Variants in ERAP1 observed in about 807,000 individuals in gnomAD.
The protein encoded by ERAP1 is adipocyte-derived leucine aminopeptidase.
Under a neutral mutation model 103.7 loss-of-function variants are expected in ERAP1, and 86 were observed. The ratio of observed to expected loss-of-function variants is 0.83; its 90% CI spans 0.70 to 0.99. The LOEUF (loss-of-function observed/expected upper bound fraction) is 0.99. Among genes scored for constraint, ERAP1 ranks in the 50% least tolerant of loss-of-function variants. ERAP1 has a pLI of 0.00. For synonymous variants in ERAP1, 398 were observed against 402.4 expected (o/e 0.99, Z 0.13); for missense variants, 1,009 against 1,128.4 (o/e 0.89, Z 1.52).
intron 13 of ERAP1, chr5:96,784,808 T>A (rs751419128): frequency 6.6e-6 from 1 of 152,544 alleles, no homozygotes; most frequent in Non-Finnish European, 1.5e-5. Context: ...TGCATATCCT[T>A]AGAAACCCTT....
At chr5:96,835,253 G>T in the ERAP1 span, among the ~76,000 whole-genome samples, 1 of 152,242 alleles carries the variant, frequency 6.6e-6, no homozygotes, top group Non-Finnish European at 1.5e-5. Flanking sequence ...GACCAAAGCT[G>T]CTTTAGAACT....
upstream of ERAP1, among the ~76,000 whole-genome samples, chr5:96,811,591 A>G (rs989709303): frequency 7.2e-5 from 11 of 152,214 alleles, no homozygotes; most frequent in African/African-American, 2.7e-4. Context: ...CTTCCATTCA[A>G]GAGGACCAAT....
At chr5:96,881,797 G>T in the ERAP1 span, among the ~76,000 whole-genome samples, 2 of 152,100 alleles carry the variant, frequency 1.3e-5, no homozygotes, top group Non-Finnish European at 1.5e-5. Flanking sequence ...AGGGCAAAAA[G>T]AAACATTCCA....
At chr5:96,871,359 T>C in the ERAP1 span, among the ~76,000 whole-genome samples, 1 of 152,212 alleles carries the variant, frequency 6.6e-6, no homozygotes, top group African/African-American at 2.4e-5. Flanking sequence ...TTTTTTTGGT[T>C]GTTTTAAGCA....
chr5:96,808,028 C>T (rs529870175), upstream of ERAP1: 33 of 985,458 alleles, frequency 3.3e-5, no homozygotes, highest in East Asian at 3.6e-3. Flanking sequence ...CTGGCTAAGG[C>T]GGGAGCTGGG....
the ERAP1 span, among the ~76,000 whole-genome samples, chr5:96,888,164 A>AAG: frequency 0.55 from 82,443 of 149,574 alleles, 22,630 homozygotes; most frequent in Admixed American, 0.6. Context: ...AAAAGAAAAA[A>AAG]AAAGAAAAAT....
In ERAP1 at chr5:96,774,751, C is replaced by CTAT; in HGVS notation, c.*1642_*1644dup. 2.0e-6 allele frequency: 2 copies of CTAT among 983,810 alleles called. No individual in the cohort carries two copies. The highest frequency in any genetic ancestry group is 2.4e-6 in the Non-Finnish European group (2 of 828,386). 60.9% of individuals were successfully genotyped at this position (983,810 alleles called of 1,614,324 possible). A position where few individuals can be genotyped will look rare whatever the true frequency, so the allele number is the denominator to read the frequency against. ...TTGGGGTGGAAATTACCAGTGATTT[C>CTAT]TATTTTTATTAAACCATTCACTACA... On this transcript the variant is annotated 3_prime_UTR_variant, in exon 19 of 19. Transcript: ENST00000443439.
chr5:96,765,094 C>G (rs1304071635), intron 19 of ERAP1: 5 of 674,116 alleles, frequency 7.4e-6, no homozygotes, highest in Non-Finnish European at 1.3e-5. Flanking sequence ...CTCCCCTGCC[C>G]CAGCCCCAGA....
chr5:96,799,030 G>A (rs993314791), intron 3 of ERAP1, among the ~76,000 whole-genome samples: 1 of 151,564 alleles, frequency 6.6e-6, no homozygotes, highest in African/African-American at 2.4e-5. Flanking sequence ...ACCACGCCCA[G>A]CTAATTTTGT....
the ERAP1 span, among the ~76,000 whole-genome samples, chr5:96,848,479 A>G: frequency 6.6e-6 from 1 of 152,254 alleles, no homozygotes; most frequent in Non-Finnish European, 1.5e-5. Flanking sequence ...ACAGAAATAC[A>G]AAGAATCATA....
intron 18 of ERAP1, 126 bp downstream of exon 18, chr5:96,780,288 TAGCATCCAA>T (rs1179514155): frequency 1.6e-6 from 1 of 626,750 alleles, no homozygotes; most frequent in Non-Finnish European, 2.6e-6. Context: ...GTCAACACCA[TAGCATCCAA>T]AAATAACTTC....
At chr5:96,855,150 A>C in the ERAP1 span, among the ~76,000 whole-genome samples, 25 of 152,200 alleles carry the variant, frequency 1.6e-4, no homozygotes, top group African/African-American at 6.0e-4. Context: ...AACCCACATA[A>C]CTTCCACTGA....
At chr5:96,861,845 T>C in the ERAP1 span, among the ~76,000 whole-genome samples, 1 of 152,156 alleles carries the variant, frequency 6.6e-6, no homozygotes, top group African/African-American at 2.4e-5. Flanking sequence ...AGAGACAACA[T>C]CCTTGCGGGA....
intron 19 of ERAP1, chr5:96,765,238 C>G (rs1319199671): frequency 6.2e-7 from 1 of 1,603,024 alleles, no homozygotes; most frequent in African/African-American, 1.4e-5. Context: ...ACAAAGACCT[C>G]GATGATGCCT....
chr5:96,912,601 A>G, the ERAP1 span: 2 of 1,561,592 alleles, frequency 1.3e-6, no homozygotes, highest in South Asian at 2.4e-5. Context: ...TTTCTTTCAT[A>G]AAACTTTTTC....
At chr5:96,826,883 A>G in the ERAP1 span, among the ~76,000 whole-genome samples, 3 of 152,220 alleles carry the variant, frequency 2.0e-5, no homozygotes, top group Non-Finnish European at 1.5e-5. Context: ...AGGGAAAACT[A>G]TACTGTGAAG....
chr5:96,898,169 C>G, the ERAP1 span, among the ~76,000 whole-genome samples: 1 of 151,878 alleles, frequency 6.6e-6, no homozygotes, highest in African/African-American at 2.4e-5. Context: ...GCACTCCAGC[C>G]TGGGTGACAG....
chr5:96,922,553 G>T, the ERAP1 span, among the ~76,000 whole-genome samples: 1 of 152,196 alleles, frequency 6.6e-6, no homozygotes, highest in Non-Finnish European at 1.5e-5. Context: ...GACAAACAGG[G>T]CTTTCTAGCT....
the ERAP1 span, among the ~76,000 whole-genome samples, chr5:96,854,545 G>A: frequency 6.6e-6 from 1 of 152,084 alleles, no homozygotes; most frequent in African/African-American, 2.4e-5. Flanking sequence ...TACCATGTGT[G>A]TCCCCAGAAA....
Sources: allele counts gnomAD v4.1 joint callset (sites outside exome capture counted in the v4.1 genomes callset), GRCh38; gene constraint gnomAD v4.1.1; transcripts MANE v1.5; gene names NCBI Gene and HGNC (gene_info 2026-07-23, HGNC 2026-07-21).